LINGO2: variants seen among roughly 807,000 people sequenced by gnomAD.
The protein encoded by LINGO2 is leucine rich repeat and Ig domain containing 2.
In LINGO2, 14 loss-of-function variants were observed where a neutral mutation model predicts 30.6. The observed-to-expected ratio is 0.46, with a 90% CI of 0.30 to 0.72. LINGO2 has a LOEUF of 0.72. Among genes scored for constraint, LINGO2 ranks in the 30% least tolerant of loss-of-function variants. The probability of loss-of-function intolerance (pLI) is 0.07; values close to 1 mark genes in which losing one functional copy is unlikely to be tolerated. For missense variants in LINGO2, 729 were observed against 751.7 expected (o/e 0.97, Z 0.35); for synonymous variants, 317 against 288.5 (o/e 1.10, Z -1.00).
At chr9:28,296,373 A>T (rs1334200028) in intron 3 of LINGO2, among the ~76,000 whole-genome samples, 1 of 152,170 alleles carries the variant, frequency 6.6e-6, no homozygotes, top group Non-Finnish European at 1.5e-5. Flanking sequence ...AAGCAAATTT[A>T]TTACTATTAT....
chr9:28,281,767 A>ACATCCACTT (rs71304828), intron 4 of LINGO2, among the ~76,000 whole-genome samples: 14,345 of 152,094 alleles, frequency 0.094, 980 homozygotes, highest in Non-Finnish European at 0.14. Context: ...CAGATAGTTT[A>ACATCCACTT]CATCCACTTC....
intron 1 of LINGO2, among the ~76,000 whole-genome samples, chr9:28,556,361 CAG>C (rs1287174135): frequency 1.3e-5 from 2 of 151,866 alleles, no homozygotes; most frequent in Non-Finnish European, 2.9e-5. Context: ...AACAGACAAA[CAG>C]AGAGCCAAAT....
chr9:28,492,862 G>A (rs1299589335), intron 1 of LINGO2, among the ~76,000 whole-genome samples: 1 of 152,144 alleles, frequency 6.6e-6, no homozygotes, highest in Non-Finnish European at 1.5e-5. Flanking sequence ...AAAAAACGGT[G>A]AGGGGAGCGG....
chr9:28,625,111 C>A (rs1436747404), intron 1 of LINGO2, among the ~76,000 whole-genome samples: 1 of 152,012 alleles, frequency 6.6e-6, no homozygotes, highest in Admixed American at 6.6e-5. Context: ...GACCCCAGAG[C>A]CCTTTAGCTT....
the LINGO2 span, among the ~76,000 whole-genome samples, chr9:29,012,581 A>T: frequency 6.6e-6 from 1 of 152,132 alleles, no homozygotes; most frequent in Admixed American, 6.6e-5. Flanking sequence ...AATCAACTAA[A>T]TGGTAAGTAA....
intron 4 of LINGO2, among the ~76,000 whole-genome samples, chr9:28,084,867 GATGGATTTGAA>G (rs1825866831): frequency 6.6e-6 from 1 of 152,158 alleles, no homozygotes; most frequent in Non-Finnish European, 1.5e-5. Context: ...CAGGAGTTAT[GATGGATTTGAA>G]ATGGGTGAGG....
chr9:28,987,490 C>A, the LINGO2 span, among the ~76,000 whole-genome samples: 1 of 151,850 alleles, frequency 6.6e-6, no homozygotes, highest in Non-Finnish European at 1.5e-5. Flanking sequence ...TAAAAACCAA[C>A]TCTTAGTTTA....
intron 4 of LINGO2, among the ~76,000 whole-genome samples, chr9:28,214,585 C>A (rs1820701170): frequency 1.3e-5 from 2 of 151,564 alleles, no homozygotes; most frequent in African/African-American, 4.8e-5. Context: ...TTCTCATTTT[C>A]TTTCCCATTA....
intron 5 of LINGO2, 146 bp from the exon 7 acceptor site, chr9:27,950,852 C>T (rs1819271274): frequency 2.4e-6 from 1 of 415,608 alleles, no homozygotes; most frequent in Non-Finnish European, 4.2e-6. Context: ...GATGGACGAC[C>T]CTCTTAGTAA....
At chr9:28,444,631 C>T (rs1314005562) in intron 2 of LINGO2, among the ~76,000 whole-genome samples, 1 of 152,214 alleles carries the variant, frequency 6.6e-6, no homozygotes, top group Non-Finnish European at 1.5e-5. Flanking sequence ...CATCTCTGAG[C>T]TTTCAAGCAC....
At chr9:28,785,763 C>A in the LINGO2 span, among the ~76,000 whole-genome samples, 1 of 151,496 alleles carries the variant, frequency 6.6e-6, no homozygotes, top group South Asian at 2.1e-4. Context: ...AAATCAGAAT[C>A]TTTTGCAATA....
intron 4 of LINGO2, among the ~76,000 whole-genome samples, chr9:28,123,060 G>T (rs1050359231): frequency 2.6e-5 from 4 of 152,086 alleles, no homozygotes; most frequent in Non-Finnish European, 5.9e-5. Flanking sequence ...ACTAAGTTAT[G>T]TGTCAACATT....
intron 4 of LINGO2, among the ~76,000 whole-genome samples, chr9:28,237,077 T>G (rs2133957439): frequency 8.0e-6 from 1 of 124,798 alleles, no homozygotes; most frequent in South Asian, 2.6e-4. Context: ...AAAGACACAG[T>G]ACAGTAAGTC....
chr9:29,213,572 G>C, the LINGO2 span, among the ~76,000 whole-genome samples: 1 of 151,940 alleles, frequency 6.6e-6, no homozygotes, highest in Non-Finnish European at 1.5e-5. Flanking sequence ...CTTGGCAGCC[G>C]GGCTCAGAGC....
chr9:28,463,971 G>A (rs1825190862), intron 2 of LINGO2, among the ~76,000 whole-genome samples: 1 of 152,076 alleles, frequency 6.6e-6, no homozygotes, highest in Non-Finnish European at 1.5e-5. Flanking sequence ...CATTATGCCT[G>A]TATAAGGAGG....
chr9:28,667,580 C>A (rs1444559663), intron 1 of LINGO2, among the ~76,000 whole-genome samples: 1 of 152,010 alleles, frequency 6.6e-6, no homozygotes, highest in African/African-American at 2.4e-5. Flanking sequence ...CACATCTCCA[C>A]TAAAAATTCA....
At chr9:28,989,939 C>G in the LINGO2 span, among the ~76,000 whole-genome samples, 1 of 152,132 alleles carries the variant, frequency 6.6e-6, no homozygotes, top group African/African-American at 2.4e-5. Context: ...GGAACAGCTC[C>G]GGTCTACAGC....
chr9:28,152,473 T>G (rs1016745150), intron 4 of LINGO2, among the ~76,000 whole-genome samples: 10 of 152,122 alleles, frequency 6.6e-5, no homozygotes, highest in African/African-American at 2.4e-4. Context: ...ACAAACCTCT[T>G]TTCTTTATAA....
chr9:28,657,818 T>C (rs1828420745), intron 1 of LINGO2, among the ~76,000 whole-genome samples: 1 of 152,102 alleles, frequency 6.6e-6, no homozygotes, highest in African/African-American at 2.4e-5. Flanking sequence ...CTTCTTTTTC[T>C]AGTTCCTTGA....
Sources: allele counts gnomAD v4.1 joint callset (sites outside exome capture counted in the v4.1 genomes callset), GRCh38; gene constraint gnomAD v4.1.1; transcripts MANE v1.5; gene names NCBI Gene and HGNC (gene_info 2026-07-23, HGNC 2026-07-21).